Variants in ZFP91 observed in about 807,000 individuals in gnomAD.
ZFP91 encodes the protein E3 ubiquitin-protein ligase ZFP91.
ZFP91 carries 7 observed loss-of-function variants against 63.5 expected under a neutral mutation model. The observed-to-expected ratio is 0.11, with a 90% CI of 0.06 to 0.21. The LOEUF is 0.21. Among genes scored for constraint, ZFP91 ranks in the 10% least tolerant of loss-of-function variants. ZFP91 has a pLI of 1.00. For synonymous variants in ZFP91, 330 were observed against 272.1 expected (o/e 1.21, Z -2.10); for missense variants, 628 against 736.6 (o/e 0.85, Z 1.71).
chr11:58,604,284 C>T (rs1590623642), intron 2 of ZFP91, among the ~76,000 whole-genome samples: 1 of 152,006 alleles, frequency 6.6e-6, no homozygotes, highest in Non-Finnish European at 1.5e-5. Flanking sequence ...AGAATAAGGA[C>T]ATCACACATG....
chr11:58,617,959 T>TA lies in ZFP91; in HGVS notation c.*256dup. Reference sequence around the variant, plus strand: ...ACAAAAAAGAAGCAGCAGCAGCTCTTAAAGTGAGGGTTATTCTCATACTCG... The same window carrying TA: ...ACAAAAAAGAAGCAGCAGCAGCTCTTAAAAGTGAGGGTTATTCTCATACTCG... On this transcript the variant is annotated 3_prime_UTR_variant, in exon 11 of 11. Transcript: ENST00000316059. This position sits in a 1 kb window ranked among gnomAD's most constrained non-coding sequence, Gnocchi z 4.2. 1 of 380,156 alleles carries TA rather than the reference T, an allele frequency of 2.6e-6. No individual in the cohort carries two copies. Among genetic ancestry groups the TA allele is most frequent in the Admixed American group, 4.6e-5 (1 of 21,630 alleles). 23.5% of individuals were successfully genotyped at this position (380,156 alleles called of 1,614,324 possible).
intron 2 of ZFP91, among the ~76,000 whole-genome samples, chr11:58,592,991 A>G (rs943147440): frequency 6.6e-6 from 1 of 152,076 alleles, no homozygotes; most frequent in Non-Finnish European, 1.5e-5. Flanking sequence ...GCTCTTAAAC[A>G]ACCAGGTCTC....
chr11:58,583,940 A>G (rs1370925371), intron 1 of ZFP91, among the ~76,000 whole-genome samples: 2 of 152,022 alleles, frequency 1.3e-5, no homozygotes, highest in Non-Finnish European at 2.9e-5. Flanking sequence ...AAAACTTTGT[A>G]CTGTTCAGAG....
intron 9 of ZFP91, among the ~76,000 whole-genome samples, 183 bp from the exon 10 acceptor site, chr11:58,616,533 T>G: frequency 6.6e-6 from 1 of 152,138 alleles, no homozygotes; most frequent in East Asian, 1.9e-4. Context: ...TGCTACTGAA[T>G]GTTGGATTTT....
intron 1 of ZFP91, among the ~76,000 whole-genome samples, chr11:58,583,259 A>G (rs562075921): frequency 6.6e-6 from 1 of 152,256 alleles, no homozygotes; most frequent in African/African-American, 2.4e-5. Context: ...AACTTTAGGG[A>G]CAAATACTTT....
At chr11:58,579,738 T>A in intron 1 of ZFP91, 116 bp downstream of exon 1, 2 of 1,004,356 alleles carry the variant, frequency 2.0e-6, no homozygotes, top group Non-Finnish European at 2.7e-6. Context: ...CCCTGCCGGC[T>A]CCGCACGCCA....
Position 58,579,217 on chromosome 11 carries a change from G to T in ZFP91, c.-65G>T. On this transcript the variant is annotated 5_prime_UTR_variant, in exon 1 of 11. Transcript: ENST00000316059. ...GGGAGGCGAGGGGGCGGGGGGAGCAGCGCCGAGGCCGCCGCCTCCGCCTCC... is the reference window on the plus strand; with the variant it reads ...GGGAGGCGAGGGGGCGGGGGGAGCATCGCCGAGGCCGCCGCCTCCGCCTCC... 2 of 1,314,800 alleles carry T rather than the reference G, an allele frequency of 1.5e-6. No homozygotes were observed. Among genetic ancestry groups the T allele is most frequent in the South Asian group, 1.7e-5 (1 of 57,656 alleles). 81.4% of individuals were successfully genotyped at this position (1,314,800 alleles called of 1,614,324 possible).
intron 2 of ZFP91, among the ~76,000 whole-genome samples, chr11:58,588,060 C>T (rs368184229): frequency 2.2e-4 from 33 of 152,158 alleles, no homozygotes; most frequent in African/African-American, 7.9e-4. Context: ...GATTACCTAA[C>T]CTATTTGACT....
At chr11:58,612,899 C>A in intron 8 of ZFP91, 59 bp downstream of exon 8, 1 of 1,431,402 alleles carries the variant, frequency 7.0e-7, no homozygotes, top group East Asian at 2.3e-5. Context: ...TGTTCTTGCA[C>A]CACGAGACTT....
chr11:58,589,343 G>T (rs1855265778), intron 2 of ZFP91, among the ~76,000 whole-genome samples: 1 of 152,072 alleles, frequency 6.6e-6, no homozygotes, highest in Non-Finnish European at 1.5e-5. Context: ...GAATTTATAG[G>T]CATAAGCCAC....
chr11:58,595,043 C>G (rs1361068742), intron 2 of ZFP91, among the ~76,000 whole-genome samples: 1 of 152,204 alleles, frequency 6.6e-6, no homozygotes, highest in Middle Eastern at 3.4e-3. Context: ...TTCCATTTCT[C>G]GTTTATATGG....
At chr11:58,592,659 G>T (rs1855327683) in intron 2 of ZFP91, among the ~76,000 whole-genome samples, 1 of 152,134 alleles carries the variant, frequency 6.6e-6, no homozygotes, top group East Asian at 1.9e-4. Context: ...ACGCTGGGGG[G>T]TTAGGAGGTG....
At chr11:58,586,716 T>C (rs978811393) in intron 2 of ZFP91, among the ~76,000 whole-genome samples, 5 of 152,308 alleles carry the variant, frequency 3.3e-5, no homozygotes, top group Non-Finnish European at 7.3e-5. Context: ...CCTGTTGTGT[T>C]TCGTATTTAG....
At chr11:58,611,282 T>A (rs1404383086) in intron 5 of ZFP91, 2 of 479,768 alleles carry the variant, frequency 4.2e-6, no homozygotes, top group South Asian at 9.7e-5. Context: ...TTTATGAGTC[T>A]GCATGTTTTA....
rs766551144 is a variant in ZFP91, at chr11:58,610,047, G to A, written c.580+8G>A. On this transcript the variant is annotated splice_region_variant and intron_variant, in intron 3 of 10. Coordinates refer to ENST00000316059, the MANE Select transcript of ZFP91 (RefSeq NM_053023.5). The stretch of plus-strand genomic sequence containing the variant: ...CAGACCAACTTGATTATGGTACAGT[G>A]CAACTAGAATATGGCTGTTTACTAA... 1.2e-6 allele frequency: 2 copies of A among 1,613,776 alleles called. No homozygotes were observed. Among genetic ancestry groups the A allele is most frequent in the Non-Finnish European group, 1.7e-6 (2 of 1,179,746 alleles).
At chr11:58,615,829 A>C (rs903992932) in intron 9 of ZFP91, among the ~76,000 whole-genome samples, 1 of 152,194 alleles carries the variant, frequency 6.6e-6, no homozygotes, top group Non-Finnish European at 1.5e-5. Flanking sequence ...ATTAAATTGG[A>C]TATTGTTCAC....
rs1302763392 is a variant in ZFP91 at position 58,579,222 on chromosome 11, G to C, written c.-60G>C. On this transcript the variant is annotated 5_prime_UTR_variant, in exon 1 of 11. Coordinates refer to ENST00000316059, the MANE Select transcript of ZFP91 (RefSeq NM_053023.5). ...GCGAGGGGGCGGGGGGAGCAGCGCC[G>C]AGGCCGCCGCCTCCGCCTCCGCCGC... 2 of 1,335,998 alleles carry C rather than the reference G, an allele frequency of 1.5e-6. No homozygotes were observed. Among genetic ancestry groups the C allele is most frequent in the Non-Finnish European group, 1.9e-6 (2 of 1,041,956 alleles). The allele number at this position is 1,335,998 out of a possible 1,614,324, so 82.8% of individuals were successfully genotyped here.
intron 2 of ZFP91, among the ~76,000 whole-genome samples, chr11:58,593,825 T>C (rs1855349950): frequency 6.6e-6 from 1 of 152,228 alleles, no homozygotes; most frequent in Non-Finnish European, 1.5e-5. Context: ...ATCAGTCCAA[T>C]TGTTCAAGTC....
chr11:58,595,623 G>A (rs971413932), intron 2 of ZFP91, among the ~76,000 whole-genome samples: 1 of 150,588 alleles, frequency 6.6e-6, no homozygotes, highest in African/African-American at 2.4e-5. Context: ...TGTTGCCCAG[G>A]CTGGAATGCA....
Sources: gnomAD v4.1 joint callset for allele counts (sites outside exome capture counted in the v4.1 genomes callset) on GRCh38, gnomAD v4.1.1 for gene constraint, Gnocchi (gnomAD v3.1) non-coding constraint, MANE v1.5 for transcripts, NCBI Gene and HGNC (gene_info 2026-07-23, HGNC 2026-07-21) for gene names.